Variants in DYRK1A observed in about 807,000 individuals in gnomAD.
DYRK1A encodes dual specificity tyrosine phosphorylation regulated kinase 1A, also known as dual specificity tyrosine-phosphorylation-regulated kinase 1A.
Under a neutral mutation model 79.7 loss-of-function variants are expected in DYRK1A, and 9 were observed. The observed-to-expected ratio is 0.11, with a 90% CI of 0.07 to 0.20. The LOEUF (loss-of-function observed/expected upper bound fraction) is 0.20, where lower values mean the gene tolerates loss of function less well. Among genes scored for constraint, DYRK1A ranks in the 10% least tolerant of loss-of-function variants. DYRK1A has a pLI of 1.00. For missense variants in DYRK1A, 622 were observed against 956.0 expected (o/e 0.65, Z 4.61); for synonymous variants, 349 against 329.7 (o/e 1.06, Z -0.63).
At chr21:37,390,614 G>A (rs1227678212) in intron 1 of DYRK1A, among the ~76,000 whole-genome samples, 1 of 152,124 alleles carries the variant, frequency 6.6e-6, no homozygotes, top group African/African-American at 2.4e-5. Flanking sequence ...TGTCACTCAG[G>A]CTGGAGTGCA....
At chr21:37,501,176 T>TTTTGTTTTTTTTTTTTTG (rs2053437265) in intron 9 of DYRK1A, 1 of 143,052 alleles carries the variant, frequency 7.0e-6, no homozygotes, top group African/African-American at 2.7e-5. Flanking sequence ...GTTTTTTTTT[T>TTTTGTTTTTTTTTTTTTG]TTTTTTTTTT....
chr21:37,487,874 T>TTC (rs2052929237), intron 6 of DYRK1A: 1 of 152,178 alleles, frequency 6.6e-6, no homozygotes, highest in Non-Finnish European at 1.5e-5. Flanking sequence ...AACTTTGCTG[T>TTC]TCACTGTCAG....
At chr21:37,493,592 T>C (rs954594434) in intron 8 of DYRK1A, among the ~76,000 whole-genome samples, 5 of 152,206 alleles carry the variant, frequency 3.3e-5, no homozygotes, top group African/African-American at 7.2e-5. Flanking sequence ...AACGAGATTA[T>C]AGACTTGTAG....
chr21:37,384,681 T>A (rs2049725192), intron 1 of DYRK1A, among the ~76,000 whole-genome samples: 1 of 152,068 alleles, frequency 6.6e-6, no homozygotes, highest in Non-Finnish European at 1.5e-5. Context: ...AATTAGGAGA[T>A]CAAGCAGTTG....
intron 2 of DYRK1A, among the ~76,000 whole-genome samples, chr21:37,424,420 G>T (rs370522741): frequency 1.0e-3 from 156 of 152,168 alleles, no homozygotes; most frequent in African/African-American, 2.9e-3. Flanking sequence ...CCAAGTTTTA[G>T]TGTCCCCTAC....
At chr21:37,371,831 G>A (rs1009991246) in intron 1 of DYRK1A, among the ~76,000 whole-genome samples, 9 of 152,096 alleles carry the variant, frequency 5.9e-5, no homozygotes, top group Non-Finnish European at 1.3e-4. Context: ...AATGAAACTG[G>A]CTTTCAGCAT....
chr21:37,369,332 C>A (rs1195042567), intron 1 of DYRK1A, among the ~76,000 whole-genome samples: 1 of 152,204 alleles, frequency 6.6e-6, no homozygotes, highest in East Asian at 1.9e-4. Context: ...GAGACCAGAA[C>A]TAAAGTTTCA....
chr21:37,414,512 A>G (rs2050300587), intron 1 of DYRK1A, among the ~76,000 whole-genome samples: 1 of 152,170 alleles, frequency 6.6e-6, no homozygotes, highest in Non-Finnish European at 1.5e-5. Flanking sequence ...AAGTCATCTC[A>G]TGCAGTGAAA....
intron 1 of DYRK1A, among the ~76,000 whole-genome samples, chr21:37,403,370 G>A (rs1003647345): frequency 1.3e-5 from 2 of 151,774 alleles, no homozygotes; most frequent in Non-Finnish European, 2.9e-5. Context: ...TCTAACATGG[G>A]GTTGGTGTTT....
intron 1 of DYRK1A, among the ~76,000 whole-genome samples, chr21:37,381,721 G>A (rs1301825499): frequency 2.0e-5 from 3 of 152,202 alleles, no homozygotes; most frequent in Non-Finnish European, 2.9e-5. Context: ...CTGGGAGGTT[G>A]AGGGTGCAGT....
At chr21:37,375,898 A>G (rs1281919374) in intron 1 of DYRK1A, among the ~76,000 whole-genome samples, 2 of 151,930 alleles carry the variant, frequency 1.3e-5, no homozygotes, top group Non-Finnish European at 2.9e-5. Flanking sequence ...CCATAGCCCT[A>G]AATTGGAACA....
At chr21:37,416,109 T>A (rs2050333134) in intron 1 of DYRK1A, among the ~76,000 whole-genome samples, 1 of 152,164 alleles carries the variant, frequency 6.6e-6, no homozygotes. Flanking sequence ...TTAATCCTTC[T>A]GACCCTTGCT....
chr21:37,493,206 T>C, intron 8 of DYRK1A, 43 bp downstream of exon 8: 1 of 1,550,626 alleles, frequency 6.4e-7, no homozygotes, highest in East Asian at 2.3e-5. Flanking sequence ...TCATAATTTC[T>C]TTTTGTCTTT....
At chr21:37,456,818 G>T (rs535301472) in intron 2 of DYRK1A, among the ~76,000 whole-genome samples, 2 of 152,086 alleles carry the variant, frequency 1.3e-5, no homozygotes, top group East Asian at 1.9e-4. Flanking sequence ...GGCTTTTGTG[G>T]GTGTAAGGGC....
chr21:37,491,597 T>TAGTGAGGCTATCAAATGTTAA (rs2053098586), intron 7 of DYRK1A, among the ~76,000 whole-genome samples: 1 of 152,210 alleles, frequency 6.6e-6, no homozygotes, highest in South Asian at 2.1e-4. Flanking sequence ...CTTCTCATGG[T>TAGTGAGGCTATCAAATGTTAA]AGTGAGGCTA....
Position 37,460,097 on chromosome 21 carries a change from CTT to C in DYRK1A, c.11-12585_11-12584del, listed in dbSNP as rs989857413. Among the ~76,000 whole-genome samples, 18 of 149,044 alleles carry C rather than the reference CTT, an allele frequency of 1.2e-4. 1 individual carries two copies. Among genetic ancestry groups the C allele is most frequent in the Non-Finnish European group, 2.7e-4 (18 of 67,672 alleles). On this transcript the variant is annotated intron_variant, in intron 2 of 11. Transcript: ENST00000647188. ...GTTGCTATGTTAGATTTGTTGCTTT[CTT>C]TAGCATGGATTTTTTTTTTTTGGTA...
At position 37,479,624 on chromosome 21, in the gene DYRK1A, T is replaced by TG. The variant is rs2052558581; in HGVS notation, c.301-1014_301-1013insG. Among the ~76,000 whole-genome samples, 263 of 106,514 alleles carry TG rather than the reference T, an allele frequency of 2.5e-3. 9 individuals are homozygous for TG. The highest frequency in any genetic ancestry group is 0.012 in the African/African-American group (248 of 20,078). 69.9% of individuals were successfully genotyped at this position (106,514 alleles called of 152,430 possible). ...TGTTTTTGTTTTTGTTTTTTGTTTTTTTTTTTTTTTTTGGAGACAGAGTCT... is the reference window on the plus strand; with the variant it reads ...TGTTTTTGTTTTTGTTTTTTGTTTTTGTTTTTTTTTTTTGGAGACAGAGTCT... On this transcript the variant is annotated intron_variant, in intron 4 of 11. Coordinates refer to ENST00000647188, the MANE Select transcript of DYRK1A (RefSeq NM_001347721.2).
At chr21:37,487,862 G>A (rs1005737972) in intron 6 of DYRK1A, 1 of 152,012 alleles carries the variant, frequency 6.6e-6, no homozygotes, top group Non-Finnish European at 1.5e-5. Flanking sequence ...CACACACAAT[G>A]AAACTTTGCT....
chr21:37,448,135 C>A (rs1011290538), intron 2 of DYRK1A, among the ~76,000 whole-genome samples: 17 of 151,932 alleles, frequency 1.1e-4, no homozygotes, highest in Admixed American at 9.8e-4. Flanking sequence ...AAAATGTAGT[C>A]GGGATTGTTC....
Sources: allele counts gnomAD v4.1 joint callset (sites outside exome capture counted in the v4.1 genomes callset), GRCh38; gene constraint gnomAD v4.1.1; transcripts MANE v1.5; gene names NCBI Gene and HGNC (gene_info 2026-07-23, HGNC 2026-07-21).